The following KXD1 variants were observed in gnomAD, a reference collection of about 807,000 sequenced individuals.
KXD1 encodes the protein KxDL motif containing 1.
Under a neutral mutation model 12.1 loss-of-function variants are expected in KXD1, and 5 were observed. That is an observed-to-expected ratio of 0.41 (90% confidence interval 0.22 to 0.87). KXD1 has a LOEUF of 0.87. Among genes scored for constraint, KXD1 ranks in the 40% least tolerant of loss-of-function variants. The pLI, the probability that KXD1 is intolerant of heterozygous loss-of-function variation, is 0.31. For synonymous variants in KXD1, 98 were observed against 100.5 expected (o/e 0.98, Z 0.15); for missense variants, 193 against 244.9 (o/e 0.79, Z 1.41).
At position 18,562,162 on chromosome 19, in the gene KXD1, G is replaced by A; in HGVS notation, c.101+5G>A. ...CATCCTGGCCCAGAAGAACATGTGA[G>A]TGGCGGCTGGGGGACCTGAGCGTGG... On this transcript the variant is annotated splice_donor_5th_base_variant and intron_variant, in intron 2 of 4. Transcript: ENST00000222307. 3.8e-6 allele frequency: 6 copies of A among 1,593,400 alleles called. No homozygotes were observed. Among genetic ancestry groups the A allele is most frequent in the Non-Finnish European group, 5.1e-6 (6 of 1,169,220 alleles).
At chr19:18,564,774 A>C in intron 2 of KXD1, 95 bp from the exon 3 acceptor site, 2 of 1,397,978 alleles carry the variant, frequency 1.4e-6, no homozygotes, top group Non-Finnish European at 2.0e-6. Flanking sequence ...AAGGTTGTGA[A>C]GCAGGCAAGG....
Position 18,564,891 on chromosome 19 carries a change from A to G in KXD1, c.124A>G (p.Asn42Asp). The G allele has an allele frequency of 6.2e-7, 1 of 1,613,850 alleles. No homozygotes were observed. The highest frequency in any genetic ancestry group is 1.1e-5 in the South Asian group (1 of 91,088). ...CAGGCTGGACCGCTTTGAGAAGACC[A>G]ATGAGATGCTGCTCAACTTCAACAA... The part of the protein sequence containing the change: ...KNMLDRFEKT[N>D]EMLLNFNNLS... The change falls in exon 3 of 5, where the codon AAT becomes GAT. Residue 42 changes from asparagine (N) to aspartate (D), a missense_variant. Physicochemically the swap from Asn to Asp is conservative, Grantham distance 23. Transcript: ENST00000222307.
chr19:18,564,078 G>A (rs1054293423), intron 2 of KXD1, among the ~76,000 whole-genome samples: 1 of 151,940 alleles, frequency 6.6e-6, no homozygotes, highest in South Asian at 2.1e-4. Context: ...GTAGAGACGC[G>A]GTTTTCCCAT....
intron 3 of KXD1, among the ~76,000 whole-genome samples, chr19:18,566,772 G>T (rs1357274176): frequency 2.0e-5 from 3 of 151,002 alleles, no homozygotes; most frequent in Non-Finnish European, 4.4e-5. Context: ...CACCCTGGGC[G>T]ACAGAGTGAG....
intron 2 of KXD1, 142 bp from the exon 3 acceptor site, chr19:18,564,727 A>G: frequency 1.1e-6 from 1 of 883,814 alleles, no homozygotes; most frequent in Non-Finnish European, 1.8e-6. Context: ...CTCAAAGAGT[A>G]GGTAGAACTC....
chr19:18,560,504 C>G (rs1974883525), intron 1 of KXD1: 2 of 152,366 alleles, frequency 1.3e-5, no homozygotes, highest in South Asian at 4.1e-4. Flanking sequence ...GCCAGCAAAA[C>G]TGGGAACCTC....
At chr19:18,559,977 C>T (rs1215099985) in intron 1 of KXD1, 1 of 138,924 alleles carries the variant, frequency 7.2e-6, no homozygotes, top group Non-Finnish European at 1.5e-5. Context: ...CTTTCTCTCT[C>T]TCCCTTCCTT....
intron 4 of KXD1, 140 bp from the exon 5 acceptor site, chr19:18,568,262 T>C (rs1975354688): frequency 9.4e-6 from 6 of 639,502 alleles, no homozygotes; most frequent in African/African-American, 6.2e-5. Context: ...CGAAACTCCG[T>C]CTCAAAAAAA....
chr19:18,566,344 T>G (rs1268245260), intron 3 of KXD1, among the ~76,000 whole-genome samples: 1 of 151,924 alleles, frequency 6.6e-6, no homozygotes, highest in Non-Finnish European at 1.5e-5. Flanking sequence ...GGTGGGCGTC[T>G]GTATTGCCAG....
rs753816484 is a variant in KXD1 at position 18,568,525 on chromosome 19, C to T, written c.425C>T (p.Ser142Leu). 1.2e-5 allele frequency: 19 copies of T among 1,613,996 alleles called. No homozygotes were observed. The highest frequency in any genetic ancestry group is 7.7e-5 in the South Asian group (7 of 91,090). Residue 142 changes from serine (S) to leucine (L), a missense_variant, in exon 5 of 5, where the codon TCG (serine) becomes TTG (leucine). Ser to Leu is a moderately radical substitution (Grantham distance 145). Coordinates refer to ENST00000222307, the MANE Select transcript of KXD1 (RefSeq NM_024069.4). Reference protein sequence around the residue: ...GSCDTSPDTVSPSLSPGFEDL... With the variant: ...GSCDTSPDTVLPSLSPGFEDL... ...TGTGACACCAGCCCCGACACCGTCT[C>T]GCCCTCCCTGAGCCCCGGCTTCGAG...
At chr19:18,564,828 G>C (rs1484255501) in intron 2 of KXD1, 41 bp from the exon 3 acceptor site, 2 of 1,609,548 alleles carry the variant, frequency 1.2e-6, no homozygotes, top group Non-Finnish European at 8.5e-7. Flanking sequence ...GCAGGGCCCT[G>C]AAGCTGGGCA....
At chr19:18,561,823 A>G in intron 1 of KXD1, 1 of 425,552 alleles carries the variant, frequency 2.3e-6, no homozygotes. Flanking sequence ...ACAGTTTACA[A>G]ATACAACCTC....
chr19:18,565,043 A>G, intron 3 of KXD1, 22 bp downstream of exon 3: 1 of 1,469,600 alleles, frequency 6.8e-7, no homozygotes, highest in South Asian at 1.1e-5. Flanking sequence ...GTGCCACCCC[A>G]GCCCAGCTGA....
At chr19:18,563,627 C>G (rs565035761) in intron 2 of KXD1, among the ~76,000 whole-genome samples, 2 of 152,110 alleles carry the variant, frequency 1.3e-5, no homozygotes, top group South Asian at 4.2e-4. Flanking sequence ...CCTCAGCCTT[C>G]CAAGTAGCTG....
intron 1 of KXD1, chr19:18,559,845 A>G (rs1055086215): frequency 1.6e-4 from 24 of 152,198 alleles, no homozygotes; most frequent in African/African-American, 5.8e-4. Flanking sequence ...GGGAGAGTAC[A>G]TTAAGTGAGC....
chr19:18,558,301 A>G (rs1977000351), intron 1 of KXD1: 1 of 152,086 alleles, frequency 6.6e-6, no homozygotes, highest in African/African-American at 2.4e-5. Context: ...GCTGAGTTAA[A>G]TTCTGTTAAA....
At chr19:18,563,660 C>G (rs537003082) in intron 2 of KXD1, among the ~76,000 whole-genome samples, 1 of 151,932 alleles carries the variant, frequency 6.6e-6, no homozygotes, top group African/African-American at 2.4e-5. Context: ...TGCGCCACCA[C>G]GGCCAGCTAA....
Position 18,568,537 on chromosome 19 carries a change from G to A in KXD1, c.437G>A (p.Ser146Asn), listed in dbSNP as rs1568424112. 6.2e-7 allele frequency: 1 copy of A among 1,614,034 alleles called. No individual in the cohort carries two copies. The highest frequency in any genetic ancestry group is 2.2e-5 in the East Asian group (1 of 44,880). ...TSPDTVSPSL[S>N]PGFEDLSHVQ... ...CCCGACACCGTCTCGCCCTCCCTGAGCCCCGGCTTCGAGGACCTGTCCCAT... is the reference window on the plus strand; with the variant it reads ...CCCGACACCGTCTCGCCCTCCCTGAACCCCGGCTTCGAGGACCTGTCCCAT... The change falls in exon 5 of 5, where the codon AGC becomes AAC. Residue 146 changes from serine to asparagine, a missense_variant. By Grantham distance (46) the Ser-to-Asn change is conservative. Coordinates refer to ENST00000222307, the MANE Select transcript of KXD1 (RefSeq NM_024069.4).
chr19:18,568,941 C>CCTG lies in KXD1; in HGVS notation c.*310_*311insCTG. ...TCCAGAGCTGAGCCTGACGTCTGCT[C>CCTG]TGAAGAATGCTTAGAAGGTTCCCAG... On this transcript the variant is annotated 3_prime_UTR_variant, in exon 5 of 5. Coordinates refer to ENST00000222307, the MANE Select transcript of KXD1 (RefSeq NM_024069.4). 2.5e-6 allele frequency: 1 copy of CCTG among 396,404 alleles called. No homozygotes were observed. Among genetic ancestry groups the CCTG allele is most frequent in the Non-Finnish European group, 4.6e-6 (1 of 215,476 alleles). 24.6% of individuals were successfully genotyped at this position (396,404 alleles called of 1,614,324 possible).
Sources: allele counts gnomAD v4.1 joint callset (sites outside exome capture counted in the v4.1 genomes callset), GRCh38; gene constraint gnomAD v4.1.1; transcripts MANE v1.5; gene names NCBI Gene and HGNC (gene_info 2026-07-23, HGNC 2026-07-21).